RGL1: variants seen among roughly 807,000 people sequenced by gnomAD.
RGL1 encodes ral guanine nucleotide dissociation stimulator like 1, also known as ral guanine nucleotide dissociation stimulator-like 1.
A neutral mutation model predicts 95.2 loss-of-function variants in RGL1; 24 were observed. The observed-to-expected ratio is 0.25, with a 90% CI of 0.18 to 0.35. The LOEUF is 0.35. Among genes scored for constraint, RGL1 ranks in the 10% least tolerant of loss-of-function variants. The pLI, the probability that RGL1 is intolerant of heterozygous loss-of-function variation, is 1.00. For missense variants in RGL1, 715 were observed against 936.3 expected, an observed-to-expected ratio of 0.76 and a Z score of 3.08; for synonymous variants, 329 against 344.9, an observed-to-expected ratio of 0.95 and a Z score of 0.51.
chr1:183,853,291 T>A (rs905451219), intron 3 of RGL1, among the ~76,000 whole-genome samples: 2 of 151,956 alleles, frequency 1.3e-5, no homozygotes, highest in Non-Finnish European at 2.9e-5. Flanking sequence ...ATTGTGCCAC[T>A]GCAATCCAGC....
At chr1:183,737,582 C>CAAA (rs397805638) in intron 1 of RGL1, among the ~76,000 whole-genome samples, 1 of 118,594 alleles carries the variant, frequency 8.4e-6, no homozygotes, top group African/African-American at 3.4e-5. Context: ...TCTATCTCTA[C>CAAA]AAAAAAAAAA....
At chr1:183,766,841 T>C (rs1381475271) in intron 2 of RGL1, among the ~76,000 whole-genome samples, 1 of 151,966 alleles carries the variant, frequency 6.6e-6, no homozygotes, top group Non-Finnish European at 1.5e-5. Context: ...TTTAGATAGA[T>C]AGAGCAAATG....
intron 16 of RGL1, among the ~76,000 whole-genome samples, chr1:183,916,948 A>T (rs1176585946): frequency 2.6e-5 from 4 of 152,116 alleles, no homozygotes; most frequent in African/African-American, 4.8e-5. Context: ...TAATTTTCAC[A>T]TCTTAAAGAA....
intron 1 of RGL1, among the ~76,000 whole-genome samples, chr1:183,720,347 C>T (rs1161004160): frequency 6.6e-6 from 1 of 152,244 alleles, no homozygotes; most frequent in African/African-American, 2.4e-5. Context: ...CTGGCACCCA[C>T]ACAGCATGCA....
chr1:183,828,988 C>G (rs566646819), intron 2 of RGL1, among the ~76,000 whole-genome samples: 10 of 152,272 alleles, frequency 6.6e-5, no homozygotes, highest in Non-Finnish European at 1.2e-4. Context: ...TTCATTTTGT[C>G]ATCATAGGAA....
chr1:183,734,004 G>T (rs147149485), intron 1 of RGL1, among the ~76,000 whole-genome samples: 7 of 152,298 alleles, frequency 4.6e-5, no homozygotes, highest in African/African-American at 1.7e-4. Flanking sequence ...TTTTCCTCTG[G>T]CTTAGTAAAG....
chr1:183,842,676 A>T (rs1450561088), intron 2 of RGL1, among the ~76,000 whole-genome samples: 1 of 152,244 alleles, frequency 6.6e-6, no homozygotes. Context: ...GTCTATGATT[A>T]AATCCAGATT....
intron 1 of RGL1, among the ~76,000 whole-genome samples, chr1:183,713,274 C>T (rs1465531165): frequency 3.3e-5 from 5 of 151,222 alleles, no homozygotes; most frequent in Non-Finnish European, 7.4e-5. Flanking sequence ...GATCCTTGGC[C>T]TCCTGAAGTG....
At chr1:183,898,513 G>T (rs781240645) in intron 10 of RGL1, among the ~76,000 whole-genome samples, 2 of 152,194 alleles carry the variant, frequency 1.3e-5, no homozygotes, top group Middle Eastern at 3.2e-3. Context: ...TTAGCATAAA[G>T]TGTGGAAGAC....
intron 1 of RGL1, among the ~76,000 whole-genome samples, chr1:183,689,235 T>TA (rs1340872575): frequency 6.6e-6 from 1 of 152,146 alleles, no homozygotes; most frequent in East Asian, 1.9e-4. Flanking sequence ...CTTAGTAAAT[T>TA]AAAAAATATA....
At chr1:183,896,823 A>G (rs553807819) in intron 9 of RGL1, among the ~76,000 whole-genome samples, 5 of 152,326 alleles carry the variant, frequency 3.3e-5, no homozygotes, top group African/African-American at 1.2e-4. Flanking sequence ...GAGGAGAGAA[A>G]GGGTAGCCAT....
At chr1:183,901,308 A>G (rs1365604636) in intron 11 of RGL1, among the ~76,000 whole-genome samples, 2 of 151,926 alleles carry the variant, frequency 1.3e-5, no homozygotes, top group South Asian at 2.1e-4. Flanking sequence ...CAAAAAAAAG[A>G]AAAAGAATAA....
chr1:183,796,797 C>T (rs1357282621), intron 2 of RGL1, among the ~76,000 whole-genome samples: 1 of 152,178 alleles, frequency 6.6e-6, no homozygotes. Context: ...ATCAGCTCAC[C>T]CAGCTCCCAT....
chr1:183,912,295 C>A, intron 15 of RGL1, 27 bp downstream of exon 15: 4 of 1,588,466 alleles, frequency 2.5e-6, no homozygotes, highest in Non-Finnish European at 3.4e-6. Context: ...TCTCATAATT[C>A]CTAATGCAGG....
chr1:183,709,005 G>C (rs1175079346), intron 1 of RGL1, among the ~76,000 whole-genome samples: 1 of 152,190 alleles, frequency 6.6e-6, no homozygotes, highest in African/African-American at 2.4e-5. Context: ...CCTGGGTGCA[G>C]ATGGGCTGAG....
intron 2 of RGL1, among the ~76,000 whole-genome samples, chr1:183,760,753 T>C (rs1658622262): frequency 6.6e-6 from 1 of 151,996 alleles, no homozygotes; most frequent in Admixed American, 6.6e-5. Flanking sequence ...ACCCTATCTT[T>C]AAAAAACAAA....
intron 1 of RGL1, among the ~76,000 whole-genome samples, chr1:183,680,497 C>T (rs1056735319): frequency 8.6e-5 from 13 of 151,014 alleles, no homozygotes; most frequent in East Asian, 3.9e-4. Context: ...GCTTGTGTGG[C>T]GTTATTTCTG....
intron 2 of RGL1, among the ~76,000 whole-genome samples, chr1:183,792,580 G>T (rs538526957): frequency 3.3e-5 from 5 of 152,090 alleles, no homozygotes; most frequent in African/African-American, 1.2e-4. Context: ...AACCAAAAAA[G>T]AATTCTTAGA....
intron 2 of RGL1, among the ~76,000 whole-genome samples, chr1:183,834,489 C>A (rs1044340486): frequency 1.3e-5 from 2 of 152,104 alleles, no homozygotes; most frequent in Non-Finnish European, 2.9e-5. Flanking sequence ...TGCTTATTTA[C>A]CTGGCATGTA....
Sources: gnomAD v4.1 joint callset for allele counts (sites outside exome capture counted in the v4.1 genomes callset) on GRCh38, gnomAD v4.1.1 for gene constraint, MANE v1.5 for transcripts, NCBI Gene and HGNC (gene_info 2026-07-23, HGNC 2026-07-21) for gene names.